EFNB2: variants seen among roughly 807,000 people sequenced by gnomAD.
EFNB2 encodes the protein ephrin-B2.
EFNB2 carries 5 observed loss-of-function variants against 32.1 expected under a neutral mutation model. The ratio of observed to expected loss-of-function variants is 0.16; its 90% confidence interval spans 0.08 to 0.33. EFNB2 has a LOEUF of 0.33. Among genes scored for constraint, EFNB2 ranks in the 10% least tolerant of loss-of-function variants. The pLI is 1.00. For missense variants in EFNB2, 263 were observed against 422.6 expected, an observed-to-expected ratio of 0.62 and a Z score of 3.31; for synonymous variants, 168 against 166.5, an observed-to-expected ratio of 1.01 and a Z score of -0.07.
intron 2 of EFNB2, among the ~76,000 whole-genome samples, chr13:106,511,758 C>T (rs1194638446): frequency 6.6e-6 from 1 of 152,142 alleles, no homozygotes; most frequent in Non-Finnish European, 1.5e-5. Flanking sequence ...GTCACCTAGA[C>T]TTTAACACCA....
rs138572564 is a variant in EFNB2 at position 106,526,437 on chromosome 13, T to C, written c.122+8406A>G. ...GTGTATATGGTTCTTTCTAAGTACA[T>C]CTAAGTACAAAGTGCTGTGGGATTA... On this transcript the variant is annotated intron_variant, in intron 1 of 4. Transcript: ENST00000646441. 1.0e-3 allele frequency among the ~76,000 whole-genome samples: 153 copies of C among 152,246 alleles called. 4 individuals carry two copies. The East Asian group carries it at 0.027, about 27-fold the overall frequency.
At chr13:106,509,512 C>T (rs1879063299) in intron 2 of EFNB2, among the ~76,000 whole-genome samples, 1 of 152,108 alleles carries the variant, frequency 6.6e-6, no homozygotes, top group African/African-American at 2.4e-5. Flanking sequence ...TAAAAATATA[C>T]ATGTAAATTT....
chr13:106,497,708 A>G (rs1384355386), intron 2 of EFNB2, among the ~76,000 whole-genome samples: 5 of 151,824 alleles, frequency 3.3e-5, no homozygotes, highest in Non-Finnish European at 7.4e-5. Context: ...ACCTCACGAC[A>G]GGCCCCGGTG....
rs80334979 is a variant in EFNB2 at position 106,495,298 on chromosome 13, A to G, written c.500-304T>C. Among the ~76,000 whole-genome samples the G allele has an allele frequency of 6.6e-5, 10 of 152,344 alleles. No individual in the cohort carries two copies. The East Asian group carries it at 1.7e-3, about 26-fold the overall frequency. On this transcript the variant is annotated intron_variant, in intron 3 of 4. Transcript: ENST00000646441. Reference sequence around the variant, plus strand: ...TGATTGACTACTATACCAATTTTTAATTAGAAGAATAATTATTTCTTTCTG... The same window carrying G: ...TGATTGACTACTATACCAATTTTTAGTTAGAAGAATAATTATTTCTTTCTG...
intron 1 of EFNB2, among the ~76,000 whole-genome samples, chr13:106,534,511 GC>G (rs1879989576): frequency 6.6e-6 from 1 of 152,234 alleles, no homozygotes; most frequent in Non-Finnish European, 1.5e-5. Context: ...CTAGATTGTG[GC>G]CATGTCCTTC....
chr13:106,500,709 C>T (rs1432573701), intron 2 of EFNB2, among the ~76,000 whole-genome samples: 2 of 152,190 alleles, frequency 1.3e-5, no homozygotes, highest in Admixed American at 6.5e-5. Flanking sequence ...TCTATGGGAA[C>T]TATTCTTTTC....
chr13:106,526,925 C>A (rs1181674532), intron 1 of EFNB2, among the ~76,000 whole-genome samples: 1 of 152,160 alleles, frequency 6.6e-6, no homozygotes, highest in Non-Finnish European at 1.5e-5. Context: ...AGGTTAGGTG[C>A]CCCGCAGGGA....
At chr13:106,519,428 T>G (rs968456175) in intron 1 of EFNB2, 4 of 151,618 alleles carry the variant, frequency 2.6e-5, no homozygotes, top group Admixed American at 6.6e-5. Context: ...AATAAATGTG[T>G]GGGGGGGGAG....
At chr13:106,500,971 G>C (rs1358402361) in intron 2 of EFNB2, among the ~76,000 whole-genome samples, 2 of 152,082 alleles carry the variant, frequency 1.3e-5, no homozygotes, top group Non-Finnish European at 2.9e-5. Flanking sequence ...TCAAATCTGA[G>C]TGTCAAAAAA....
chr13:106,526,142 C>CA (rs1879693388), intron 1 of EFNB2, among the ~76,000 whole-genome samples: 1 of 152,184 alleles, frequency 6.6e-6, no homozygotes, highest in Non-Finnish European at 1.5e-5. Context: ...TCAAGCCCTG[C>CA]AGGGGATTCT....
chr13:106,492,993 G>T lies in EFNB2; in HGVS notation c.*47C>A, dbSNP rs750286889. ...CTCAAACCCTCAAGGGAGGCATCGG[G>T]ACATTAGGTGTCCTCTGGGAAAGCA... is the stretch of plus-strand genomic sequence containing the variant. On this transcript the variant is annotated 3_prime_UTR_variant, in exon 5 of 5. Transcript: ENST00000646441. This position sits in a 1 kb window ranked among gnomAD's most constrained non-coding sequence, Gnocchi z 5.1. 22 of 1,556,848 alleles carry T rather than the reference G, an allele frequency of 1.4e-5. No individual in the cohort carries two copies. The Admixed American group carries it at 3.8e-4, about 27-fold the overall frequency.
In EFNB2 at chr13:106,535,573, G is replaced by C. The variant is rs947666885; in HGVS notation, c.-609C>G. On this transcript the variant is annotated 5_prime_UTR_variant, in exon 1 of 5. Coordinates refer to ENST00000646441, the MANE Select transcript of EFNB2 (RefSeq NM_004093.4). ...CGCCGCGGGCTCCGGACGCGCGCGGGCCTTTGTGTGCGGGGAGGGCGCCGG... is the reference window on the plus strand; with the variant it reads ...CGCCGCGGGCTCCGGACGCGCGCGGCCCTTTGTGTGCGGGGAGGGCGCCGG... The C allele has an allele frequency of 3.3e-5, 5 of 150,496 alleles. No homozygotes were observed. The highest frequency in any genetic ancestry group is 5.9e-5 in the Non-Finnish European group (4 of 67,446). 9.3% of individuals were successfully genotyped at this position (150,496 alleles called of 1,614,324 possible).
intron 2 of EFNB2, among the ~76,000 whole-genome samples, chr13:106,498,084 C>T (rs1386685661): frequency 6.6e-6 from 1 of 152,090 alleles, no homozygotes; most frequent in Non-Finnish European, 1.5e-5. Context: ...TCAAAGTTAA[C>T]TTACTTTGAG....
At chr13:106,498,312 G>C (rs781580361) in intron 2 of EFNB2, among the ~76,000 whole-genome samples, 1 of 152,168 alleles carries the variant, frequency 6.6e-6, no homozygotes, top group South Asian at 2.1e-4. Context: ...AGGCACAGTA[G>C]AGCAGTTACT....
intron 2 of EFNB2, among the ~76,000 whole-genome samples, chr13:106,507,073 T>TA (rs891882206): frequency 2.0e-5 from 3 of 152,070 alleles, no homozygotes; most frequent in African/African-American, 7.2e-5. Context: ...AGGTTAGAAA[T>TA]AAAAATGAGT....
chr13:106,504,336 G>A (rs71432896), intron 2 of EFNB2, among the ~76,000 whole-genome samples: 3 of 152,126 alleles, frequency 2.0e-5, no homozygotes, highest in Non-Finnish European at 2.9e-5. Flanking sequence ...CTTCACCAGC[G>A]ACCGAATTAA....
chr13:106,498,799 T>A (rs1242083446), intron 2 of EFNB2, among the ~76,000 whole-genome samples: 1 of 152,118 alleles, frequency 6.6e-6, no homozygotes, highest in East Asian at 1.9e-4. Flanking sequence ...GCTTGCCACG[T>A]GGGGAGCAAA....
chr13:106,505,537 G>A (rs1878922866), intron 2 of EFNB2, among the ~76,000 whole-genome samples: 3 of 152,174 alleles, frequency 2.0e-5, no homozygotes, highest in Admixed American at 1.3e-4. Flanking sequence ...CACTCAGCCC[G>A]AGATTTTGAA....
In EFNB2 at chr13:106,534,869, A is replaced by G. The variant is rs779481283; in HGVS notation, c.96T>C (p.Pro32=). The part of the protein sequence containing the change: ...TAISKSIVLE[P]IYWNSSNSKF... ...TGGAGTTCGAGGAATTCCAATAGAT[A>G]GGCTCTAAAACTATCGATTTGGAAA... is the stretch of plus-strand genomic sequence containing the variant. Residue 32 remains proline, a synonymous_variant, in exon 1 of 5, where the codon CCT becomes CCC. Coordinates refer to ENST00000646441, the MANE Select transcript of EFNB2 (RefSeq NM_004093.4). The G allele has an allele frequency of 1.4e-5, 23 of 1,613,064 alleles. No homozygotes were observed. In the African/African-American group the frequency reaches 2.5e-4, roughly 18 times the overall value.
Sources: allele counts gnomAD v4.1 joint callset (sites outside exome capture counted in the v4.1 genomes callset), GRCh38; gene constraint gnomAD v4.1.1; non-coding constraint Gnocchi (gnomAD v3.1); transcripts MANE v1.5; gene names NCBI Gene and HGNC (gene_info 2026-07-23, HGNC 2026-07-21).